GRIN2B: variants seen among roughly 807,000 people sequenced by gnomAD.
The protein encoded by GRIN2B is glutamate ionotropic receptor NMDA type subunit 2B, also known as glutamate receptor ionotropic, NMDA 2B.
A neutral mutation model predicts 114.5 loss-of-function variants in GRIN2B; 5 were observed. The ratio of observed to expected loss-of-function variants is 0.04; its 90% CI spans 0.02 to 0.09. GRIN2B has a LOEUF of 0.09. GRIN2B is among the 10% of genes least tolerant of loss of function. The probability of loss-of-function intolerance (pLI) is 1.00; values close to 1 mark genes in which losing one functional copy is unlikely to be tolerated. For missense variants in GRIN2B, 1,108 were observed against 1,943.5 expected (o/e 0.57, Z 8.08); for synonymous variants, 787 against 745.1 (o/e 1.06, Z -0.92).
chr12:13,651,471 A>C (rs1391257409), intron 5 of GRIN2B, among the ~76,000 whole-genome samples: 1 of 152,132 alleles, frequency 6.6e-6, no homozygotes, highest in Non-Finnish European at 1.5e-5. Context: ...TTTGTCAAAA[A>C]ATAGCACCAC....
intron 4 of GRIN2B, among the ~76,000 whole-genome samples, chr12:13,709,946 C>T (rs1052519687): frequency 1.3e-5 from 2 of 151,926 alleles, no homozygotes; most frequent in Non-Finnish European, 2.9e-5. Flanking sequence ...GAAATAAAAA[C>T]ATATGTCCAC....
intron 2 of GRIN2B, among the ~76,000 whole-genome samples, chr12:13,921,132 C>A (rs893370892): frequency 6.6e-6 from 1 of 152,172 alleles, no homozygotes; most frequent in Non-Finnish European, 1.5e-5. Flanking sequence ...CATGGTAGCT[C>A]ACACCTGTAA....
At chr12:13,587,069 CAATT>C (rs1948937237) in intron 10 of GRIN2B, among the ~76,000 whole-genome samples, 2 of 152,068 alleles carry the variant, frequency 1.3e-5, no homozygotes, top group African/African-American at 4.8e-5. Context: ...TATGAAGAGA[CAATT>C]AAATATTATA....
chr12:13,599,008 C>T (rs369115324), intron 10 of GRIN2B, among the ~76,000 whole-genome samples: 2 of 152,180 alleles, frequency 1.3e-5, no homozygotes, highest in East Asian at 1.9e-4. Flanking sequence ...CTTGCCTGCT[C>T]GTTTTCTTCT....
At chr12:13,858,403 G>C (rs1865699215) in intron 3 of GRIN2B, among the ~76,000 whole-genome samples, 1 of 152,152 alleles carries the variant, frequency 6.6e-6, no homozygotes, top group Non-Finnish European at 1.5e-5. Context: ...CTGCATGCTA[G>C]ACCTTTAAAC....
chr12:13,600,844 C>T (rs1805480), intron 10 of GRIN2B, among the ~76,000 whole-genome samples: 51,581 of 151,982 alleles, frequency 0.34, 10,388 homozygotes, highest in East Asian at 0.81. Flanking sequence ...AACATTAATC[C>T]GGCTCAAGGA....
intron 2 of GRIN2B, among the ~76,000 whole-genome samples, chr12:13,933,443 A>G (rs868808709): frequency 5.9e-5 from 9 of 152,200 alleles, no homozygotes; most frequent in South Asian, 2.1e-4. Flanking sequence ...CTAATAAGCC[A>G]TTGAATCACC....
intron 3 of GRIN2B, among the ~76,000 whole-genome samples, chr12:13,849,605 C>A (rs567793572): frequency 6.6e-6 from 1 of 152,218 alleles, no homozygotes; most frequent in Non-Finnish European, 1.5e-5. Context: ...GGCAAGCAGC[C>A]AGCTTGGGCC....
At chr12:13,773,951 C>T (rs368600754) in intron 3 of GRIN2B, among the ~76,000 whole-genome samples, 3 of 152,116 alleles carry the variant, frequency 2.0e-5, no homozygotes, top group South Asian at 2.1e-4. Context: ...CTTAAAATAT[C>T]GCAAGCCTAA....
intron 4 of GRIN2B, among the ~76,000 whole-genome samples, chr12:13,731,054 G>T (rs1863080091): frequency 6.6e-6 from 1 of 152,124 alleles, no homozygotes; most frequent in African/African-American, 2.4e-5. Flanking sequence ...TCAAGGCTCA[G>T]TCCATAGCTC....
At chr12:13,607,192 A>T (rs1469739888) in intron 10 of GRIN2B, among the ~76,000 whole-genome samples, 2 of 118,446 alleles carry the variant, frequency 1.7e-5, no homozygotes, top group Non-Finnish European at 3.3e-5. Context: ...AAATATATAA[A>T]AAATATATAT....
At chr12:13,746,489 G>A (rs979803263) in intron 4 of GRIN2B, among the ~76,000 whole-genome samples, 75 of 151,930 alleles carry the variant, frequency 4.9e-4, no homozygotes, top group South Asian at 2.1e-4. Context: ...ACCATATTCC[G>A]TCTGTATCTT....
intron 5 of GRIN2B, among the ~76,000 whole-genome samples, chr12:13,620,109 TCA>T (rs1949496614): frequency 1.3e-5 from 2 of 152,190 alleles, no homozygotes; most frequent in Non-Finnish European, 2.9e-5. Flanking sequence ...AGAAGAAATC[TCA>T]CAGAGACCCT....
intron 3 of GRIN2B, among the ~76,000 whole-genome samples, chr12:13,847,233 A>G (rs1285362400): frequency 2.0e-5 from 3 of 152,206 alleles, no homozygotes; most frequent in Non-Finnish European, 4.4e-5. Flanking sequence ...TATTCCTGAT[A>G]TCCCTTATCA....
chr12:13,565,944 G>A (rs1002120054), intron 13 of GRIN2B, among the ~76,000 whole-genome samples: 1 of 152,074 alleles, frequency 6.6e-6, no homozygotes, highest in Admixed American at 6.5e-5. Context: ...TAGAGGCATT[G>A]ATCATGTCAA....
At chr12:13,824,174 C>T (rs1864989066) in intron 3 of GRIN2B, among the ~76,000 whole-genome samples, 1 of 152,046 alleles carries the variant, frequency 6.6e-6, no homozygotes, top group African/African-American at 2.4e-5. Flanking sequence ...CCTTCTATTT[C>T]CTGGAAGAGT....
At chr12:13,660,715 T>C (rs1226756384) in intron 5 of GRIN2B, among the ~76,000 whole-genome samples, 1 of 152,192 alleles carries the variant, frequency 6.6e-6, no homozygotes, top group Non-Finnish European at 1.5e-5. Flanking sequence ...GGATCTAAAA[T>C]CGCCAAAAAG....
chr12:13,621,630 T>G lies in GRIN2B; in HGVS notation c.1126-4973A>C, dbSNP rs1441489071. ...TAGTTTTTGTTTTTTTTTTTTTTTT[T>G]TTTTTTTTTTCAGAAAAACAGTGAT... On this transcript the variant is annotated intron_variant, in intron 5 of 13. Transcript: ENST00000609686. Among the ~76,000 whole-genome samples the G allele has an allele frequency of 1.2e-4, 18 of 147,494 alleles. 1 individual carries two copies. Among genetic ancestry groups the G allele is most frequent in the Non-Finnish European group, 2.4e-4 (16 of 67,040 alleles).
rs201461091 is a variant in GRIN2B at position 13,611,716 on chromosome 12, C to T, written c.1780+9G>A. 422 of 1,613,552 alleles carry T rather than the reference C, an allele frequency of 2.6e-4. No individual in the cohort carries two copies. In the East Asian group the frequency reaches 4.6e-3, roughly 18 times the overall value. ...ACTGGGGAAGTGCAGCGGTTCCAGC[C>T]GGCCTTACCTCTGCCATCAGCGAGG... On this transcript the variant is annotated intron_variant, in intron 9 of 13. Transcript: ENST00000609686.
Sources: gnomAD v4.1 joint callset for allele counts (sites outside exome capture counted in the v4.1 genomes callset) on GRCh38, gnomAD v4.1.1 for gene constraint, MANE v1.5 for transcripts, NCBI Gene and HGNC (gene_info 2026-07-23, HGNC 2026-07-21) for gene names.